Variants in ABCA12 observed in about 807,000 individuals in gnomAD.
The protein encoded by ABCA12 is ATP binding cassette subfamily A member 12.
Under a neutral mutation model 293.5 loss-of-function variants are expected in ABCA12, and 156 were observed. That is an observed-to-expected ratio of 0.53 (90% CI 0.47 to 0.61). The LOEUF is 0.61. Ranked by LOEUF, ABCA12 falls within the 20% of genes least tolerant of loss-of-function variation. The probability of loss-of-function intolerance (pLI) is 0.00; values close to 1 mark genes in which losing one functional copy is unlikely to be tolerated. For missense variants in ABCA12, 2,797 were observed against 3,090.2 expected (o/e 0.91, Z 2.25); for synonymous variants, 1,063 against 1,108.0 (o/e 0.96, Z 0.81).
chr2:215,081,359 T>G lies in ABCA12; in HGVS notation c.164-17140A>C, dbSNP rs190819555. On this transcript the variant is annotated intron_variant, in intron 2 of 52. Transcript: ENST00000272895. ...AAGGCATGGTGGTGCACGCCTGTAG[T>G]CCCAGCTACTCTGGGTGCTGAGGCA... 4.2e-3 allele frequency among the ~76,000 whole-genome samples: 642 copies of G among 151,692 alleles called. 8 individuals carry two copies. The highest frequency in any genetic ancestry group is 0.015 in the African/African-American group (618 of 41,400).
Position 214,955,322 on chromosome 2 carries a change from G to A in ABCA12, c.6273C>T (p.Leu2091=), listed in dbSNP as rs1434972754. ...TGAAGGCCATTCCTGTTTCATGGAA[G>A]AGCCCAGCCAGCAAGTACATCCAGG... ...TFSWMYLLAG[L]FHETGMAFIT... is the part of the protein sequence containing the mutation. Residue 2091 remains leucine (L), a synonymous_variant, in exon 43 of 53, where the codon CTC becomes CTT. Transcript: ENST00000272895. The A allele has an allele frequency of 6.2e-7, 1 of 1,614,120 alleles. No individual in the cohort carries two copies. Among genetic ancestry groups the A allele is most frequent in the Non-Finnish European group, 8.5e-7 (1 of 1,180,004 alleles).
At chr2:215,026,221 C>T (rs1700741659) in intron 10 of ABCA12, among the ~76,000 whole-genome samples, 1 of 152,070 alleles carries the variant, frequency 6.6e-6, no homozygotes, top group African/African-American at 2.4e-5. Context: ...TCTCAGAAAA[C>T]TATTTTTGGT....
intron 46 of ABCA12, 146 bp from the exon 47 acceptor site, chr2:214,948,883 CA>C: frequency 8.7e-7 from 1 of 1,145,516 alleles, no homozygotes. Context: ...ATCAAATTCA[CA>C]TTTAAACATT....
chr2:215,035,575 G>A (rs1459684029), intron 8 of ABCA12, among the ~76,000 whole-genome samples: 1 of 147,606 alleles, frequency 6.8e-6, no homozygotes, highest in African/African-American at 2.5e-5. Flanking sequence ...CTGAGGCAGA[G>A]AATTGCTTGA....
At chr2:215,050,979 C>T (rs1037877276) in intron 5 of ABCA12, among the ~76,000 whole-genome samples, 5 of 152,040 alleles carry the variant, frequency 3.3e-5, no homozygotes, top group African/African-American at 1.2e-4. Context: ...GGCTTATCTC[C>T]CCTGGATATA....
intron 44 of ABCA12, 112 bp from the exon 45 acceptor site, chr2:214,951,195 C>T (rs1574935014): frequency 2.1e-6 from 2 of 938,628 alleles, no homozygotes; most frequent in Non-Finnish European, 3.4e-6. Context: ...CATCATTAGA[C>T]TTCTTTTACA....
At chr2:215,001,812 T>A in intron 20 of ABCA12, 75 bp from the exon 21 acceptor site, 8 of 1,274,526 alleles carry the variant, frequency 6.3e-6, no homozygotes, top group Non-Finnish European at 8.9e-6. Flanking sequence ...AAATACTGAT[T>A]TTTTGTAAAT....
intron 2 of ABCA12, among the ~76,000 whole-genome samples, chr2:215,084,970 T>G (rs1432059179): frequency 6.6e-6 from 1 of 151,608 alleles, no homozygotes; most frequent in African/African-American, 2.4e-5. Flanking sequence ...GGCACACACC[T>G]GTAGTCCTAG....
At chr2:215,113,538 G>A (rs969246471) in intron 1 of ABCA12, among the ~76,000 whole-genome samples, 3 of 152,156 alleles carry the variant, frequency 2.0e-5, no homozygotes, top group African/African-American at 7.2e-5. Context: ...TGATGCTGAT[G>A]CAGCTGGTCC....
chr2:215,101,536 A>C (rs1025383049), intron 2 of ABCA12, among the ~76,000 whole-genome samples: 107 of 152,322 alleles, frequency 7.0e-4, no homozygotes, highest in East Asian at 1.3e-3. Context: ...AATAGAGAAA[A>C]GACAAAGAAG....
intron 2 of ABCA12, among the ~76,000 whole-genome samples, chr2:215,097,356 A>G (rs907497699): frequency 1.3e-5 from 2 of 151,834 alleles, no homozygotes; most frequent in Non-Finnish European, 2.9e-5. Context: ...TAGTGCATTG[A>G]TGGTTCTTTG....
chr2:215,117,561 G>A lies in ABCA12; in HGVS notation c.70-5871C>T, dbSNP rs148575821. Among the ~76,000 whole-genome samples the A allele has an allele frequency of 1.8e-3, 274 of 152,178 alleles. 3 individuals are homozygous for A. Among genetic ancestry groups the A allele is most frequent in the Middle Eastern group, 0.01 (3 of 294 alleles). On this transcript the variant is annotated intron_variant, in intron 1 of 52. Coordinates refer to ENST00000272895, the MANE Select transcript of ABCA12 (RefSeq NM_173076.3). ...AAGTATTTACAAATTTCAAAAACCC[G>A]ATGTTCTAAAAAATTTGGGCAAAGC...
intron 33 of ABCA12, among the ~76,000 whole-genome samples, chr2:214,976,273 C>T (rs1699515509): frequency 6.6e-6 from 1 of 152,124 alleles, no homozygotes; most frequent in Admixed American, 6.5e-5. Context: ...TTTGAAAATT[C>T]TAATTCACTA....
intron 3 of ABCA12, among the ~76,000 whole-genome samples, chr2:215,061,466 A>C (rs566619593): frequency 6.6e-6 from 1 of 152,106 alleles, no homozygotes; most frequent in South Asian, 2.1e-4. Context: ...CAGAAAAGGA[A>C]GACTGTTTTG....
chr2:215,050,873 C>T (rs1428040653), intron 5 of ABCA12: 1 of 924,920 alleles, frequency 1.1e-6, no homozygotes, highest in Non-Finnish European at 1.3e-6. Context: ...AGAGAGATTG[C>T]TGACATAGGC....
At chr2:215,006,565 A>T (rs189692574) in intron 19 of ABCA12, among the ~76,000 whole-genome samples, 195 of 152,316 alleles carry the variant, frequency 1.3e-3, no homozygotes, top group African/African-American at 4.4e-3. Flanking sequence ...CCTTTGGAGT[A>T]TAATTTTTCT....
chr2:215,113,614 T>C (rs1702622627), intron 1 of ABCA12, among the ~76,000 whole-genome samples: 1 of 152,248 alleles, frequency 6.6e-6, no homozygotes, highest in South Asian at 2.1e-4. Flanking sequence ...CAGGAGTGTT[T>C]ACAAAGTCCT....
chr2:215,042,428 GTAGAGA>G (rs1291913158), intron 7 of ABCA12: 2 of 151,854 alleles, frequency 1.3e-5, no homozygotes, highest in Admixed American at 1.3e-4. Flanking sequence ...TTATTTTTTT[GTAGAGA>G]TAGTATCCCA....
At chr2:215,037,503 A>G (rs1318679986) in intron 7 of ABCA12, among the ~76,000 whole-genome samples, 1 of 152,228 alleles carries the variant, frequency 6.6e-6, no homozygotes, top group East Asian at 1.9e-4. Flanking sequence ...TTAAGCATTT[A>G]TAATATTTAT....
Sources: allele counts gnomAD v4.1 joint callset (sites outside exome capture counted in the v4.1 genomes callset), GRCh38; gene constraint gnomAD v4.1.1; transcripts MANE v1.5; gene names NCBI Gene and HGNC (gene_info 2026-07-23, HGNC 2026-07-21).